HHAT: variants seen among roughly 807,000 people sequenced by gnomAD.
HHAT encodes hedgehog acyltransferase, also known as protein-cysteine N-palmitoyltransferase HHAT.
Under a neutral mutation model 70.8 loss-of-function variants are expected in HHAT, and 47 were observed. That is an observed-to-expected ratio of 0.66 (90% CI 0.53 to 0.85). The LOEUF (loss-of-function observed/expected upper bound fraction) is 0.85. HHAT is among the 40% of genes least tolerant of loss of function. The pLI, the probability that HHAT is intolerant of heterozygous loss-of-function variation, is 0.00. For synonymous variants in HHAT, 228 were observed against 247.6 expected, an observed-to-expected ratio of 0.92 and a Z score of 0.74; for missense variants, 609 against 604.8, an observed-to-expected ratio of 1.01 and a Z score of -0.07.
At chr1:210,437,854 A>G (rs1317364373) in intron 7 of HHAT, among the ~76,000 whole-genome samples, 1 of 151,844 alleles carries the variant, frequency 6.6e-6, no homozygotes, top group East Asian at 1.9e-4. Context: ...GGACACTCCC[A>G]TGAATCAGTT....
intron 9 of HHAT, among the ~76,000 whole-genome samples, chr1:210,580,546 T>A (rs1158053355): frequency 7.4e-6 from 1 of 135,300 alleles, no homozygotes; most frequent in Non-Finnish European, 1.5e-5. Flanking sequence ...TGTATCCACG[T>A]GTCTCATTGT....
intron 2 of HHAT, among the ~76,000 whole-genome samples, chr1:210,351,931 T>C (rs2087065034): frequency 6.6e-6 from 1 of 152,172 alleles, no homozygotes; most frequent in Admixed American, 6.5e-5. Context: ...TGGAGCAGCA[T>C]GTAGAGGAAG....
chr1:210,449,155 A>T (rs1306719112), intron 7 of HHAT, among the ~76,000 whole-genome samples: 1 of 151,858 alleles, frequency 6.6e-6, no homozygotes, highest in Non-Finnish European at 1.5e-5. Flanking sequence ...TGGTGGTCGG[A>T]CCTCCCGGGT....
chr1:210,457,829 C>A (rs2093901222), intron 7 of HHAT, among the ~76,000 whole-genome samples: 1 of 152,148 alleles, frequency 6.6e-6, no homozygotes. Flanking sequence ...TGATCATTAA[C>A]AAGGTTCACT....
intron 9 of HHAT, among the ~76,000 whole-genome samples, chr1:210,534,453 G>T (rs151065849): frequency 1.3e-5 from 2 of 151,998 alleles, no homozygotes; most frequent in African/African-American, 4.8e-5. Flanking sequence ...TCCCACCCAC[G>T]TCCTGTACAT....
intron 10 of HHAT, among the ~76,000 whole-genome samples, chr1:210,613,970 T>C (rs900087320): frequency 6.9e-6 from 1 of 144,866 alleles, no homozygotes; most frequent in African/African-American, 2.6e-5. Flanking sequence ...CAGTGAGTCA[T>C]GATTGTGCTA....
chr1:210,333,121 C>G (rs1004746866), intron 1 of HHAT, among the ~76,000 whole-genome samples: 1 of 152,196 alleles, frequency 6.6e-6, no homozygotes, highest in Non-Finnish European at 1.5e-5. Context: ...AGTACATCAA[C>G]TCACTTGCCA....
At chr1:210,649,260 T>G (rs1452403357) in intron 11 of HHAT, among the ~76,000 whole-genome samples, 2 of 152,226 alleles carry the variant, frequency 1.3e-5, no homozygotes, top group Non-Finnish European at 2.9e-5. Context: ...CAGGATCCCC[T>G]TTTACTTTCT....
At chr1:210,537,510 A>G (rs2095386330) in intron 9 of HHAT, among the ~76,000 whole-genome samples, 1 of 152,158 alleles carries the variant, frequency 6.6e-6, no homozygotes. Context: ...GGAACACCGG[A>G]TTGGGCCATT....
At chr1:210,480,668 A>G (rs2094381955) in intron 8 of HHAT, among the ~76,000 whole-genome samples, 2 of 152,164 alleles carry the variant, frequency 1.3e-5, no homozygotes, top group Admixed American at 6.5e-5. Context: ...GTCTGCCTCT[A>G]GAAACCTGGC....
chr1:210,638,228 A>G (rs571039603), intron 11 of HHAT, among the ~76,000 whole-genome samples: 52 of 152,346 alleles, frequency 3.4e-4, no homozygotes, highest in African/African-American at 1.1e-3. Flanking sequence ...TGTTCACACA[A>G]CACTTGTATG....
chr1:210,333,626 G>A (rs2085196314), intron 1 of HHAT, among the ~76,000 whole-genome samples: 1 of 151,890 alleles, frequency 6.6e-6, no homozygotes, highest in Non-Finnish European at 1.5e-5. Flanking sequence ...GACTTTTACT[G>A]GTGACATTCG....
At chr1:210,371,912 A>C (rs568774209) in intron 3 of HHAT, among the ~76,000 whole-genome samples, 4 of 152,230 alleles carry the variant, frequency 2.6e-5, no homozygotes, top group Non-Finnish European at 5.9e-5. Context: ...AGACATTCCC[A>C]CTGTTGAGAA....
chr1:210,357,806 T>C (rs956826887), intron 2 of HHAT, among the ~76,000 whole-genome samples: 1 of 152,100 alleles, frequency 6.6e-6, no homozygotes, highest in Non-Finnish European at 1.5e-5. Context: ...GGCGACAGAG[T>C]GAGACTCCAT....
chr1:210,386,026 A>C (rs1490325467), intron 3 of HHAT, among the ~76,000 whole-genome samples: 1 of 152,128 alleles, frequency 6.6e-6, no homozygotes, highest in East Asian at 1.9e-4. Flanking sequence ...TTATGAATCA[A>C]GATCAATTTT....
chr1:210,402,581 C>G (rs1558443822), intron 5 of HHAT, among the ~76,000 whole-genome samples: 2 of 152,222 alleles, frequency 1.3e-5, no homozygotes, highest in South Asian at 2.1e-4. Context: ...CGATACTGCT[C>G]TGAGAGCTGC....
intron 7 of HHAT, among the ~76,000 whole-genome samples, chr1:210,447,382 C>T (rs2093656259): frequency 6.6e-6 from 1 of 152,192 alleles, no homozygotes; most frequent in South Asian, 2.1e-4. Context: ...ATACAGCCCA[C>T]TACAGAGAGA....
chr1:210,612,688 C>A (rs1309744054), intron 10 of HHAT, among the ~76,000 whole-genome samples: 1 of 152,170 alleles, frequency 6.6e-6, no homozygotes, highest in East Asian at 1.9e-4. Context: ...GATCATATGG[C>A]AATTTTGTGT....
chr1:210,404,746 T>A, intron 6 of HHAT, 67 bp downstream of exon 6: 1 of 1,304,596 alleles, frequency 7.7e-7, no homozygotes, highest in Non-Finnish European at 1.1e-6. Flanking sequence ...GCTCTGGTCT[T>A]CTCTGACTCT....
Sources: allele counts gnomAD v4.1 joint callset (sites outside exome capture counted in the v4.1 genomes callset), GRCh38; gene constraint gnomAD v4.1.1; transcripts MANE v1.5; gene names NCBI Gene and HGNC (gene_info 2026-07-23, HGNC 2026-07-21).